The following FRMPD3 variants were observed in gnomAD, a reference collection of about 807,000 sequenced individuals.
FRMPD3 encodes FERM and PDZ domain-containing protein 3.
In FRMPD3, 42 loss-of-function variants were observed where a neutral mutation model predicts 97.9. The ratio of observed to expected loss-of-function variants is 0.43; its 90% CI spans 0.34 to 0.55. The LOEUF (loss-of-function observed/expected upper bound fraction) is 0.55. Ranked by LOEUF, FRMPD3 falls within the 20% of genes least tolerant of loss-of-function variation. The probability of loss-of-function intolerance (pLI) is 0.03; values close to 1 mark genes in which losing one functional copy is unlikely to be tolerated. For missense variants in FRMPD3, 1,303 were observed against 1,457.7 expected (o/e 0.89, Z 1.73); for synonymous variants, 577 against 581.1 (o/e 0.99, Z 0.10).
intron 1 of FRMPD3, among the ~76,000 whole-genome samples, chrX:107,482,816 G>A (rs1255276059): frequency 8.9e-6 from 1 of 111,923 alleles, no homozygotes; most frequent in Non-Finnish European, 1.9e-5. Context: ...TGCAAGAGAG[G>A]TTGAAGGATG....
At chrX:107,502,319 A>G (rs1406172783) in intron 1 of FRMPD3, among the ~76,000 whole-genome samples, 2 of 111,097 alleles carry the variant, frequency 1.8e-5, no homozygotes, top group African/African-American at 6.6e-5. Flanking sequence ...GCTATGAAGG[A>G]GGGAAAAAGA....
chrX:107,454,867 A>C, intron 1 of FRMPD3, among the ~76,000 whole-genome samples: 1 of 111,551 alleles, frequency 9.0e-6, no homozygotes. Flanking sequence ...ACTTGTTATA[A>C]TGCAGATTCC....
At chrX:107,468,313 G>A (rs1376773184) in intron 1 of FRMPD3, among the ~76,000 whole-genome samples, 4 of 111,873 alleles carry the variant, frequency 3.6e-5, no homozygotes, top group Non-Finnish European at 7.5e-5. Context: ...GCACACAAAC[G>A]AACTTGCAGG....
At chrX:107,585,570 C>A (rs773328199) in intron 13 of FRMPD3, among the ~76,000 whole-genome samples, 5 of 111,288 alleles carry the variant, frequency 4.5e-5, no homozygotes, top group African/African-American at 1.6e-4. Flanking sequence ...TGATATTGGC[C>A]GTGGGTTTGT....
intron 1 of FRMPD3, among the ~76,000 whole-genome samples, chrX:107,467,393 A>G (rs1432688706): frequency 9.0e-6 from 1 of 111,453 alleles, no homozygotes; most frequent in Non-Finnish European, 1.9e-5. Context: ...TTCACAGTCC[A>G]TAGGCACAGG....
At chrX:107,452,391 A>G (rs542724564) in intron 1 of FRMPD3, among the ~76,000 whole-genome samples, 1 of 112,036 alleles carries the variant, frequency 8.9e-6, no homozygotes, top group Non-Finnish European at 1.9e-5. Context: ...AGAAACACTC[A>G]TTGCTGCATG....
chrX:107,503,048 C>G (rs1921951603), intron 1 of FRMPD3, among the ~76,000 whole-genome samples: 1 of 110,875 alleles, frequency 9.0e-6, no homozygotes, highest in Non-Finnish European at 1.9e-5. Context: ...TATAATTAGT[C>G]ATGGGGGGAA....
Position 107,602,632 on chromosome X carries a change from C to T in FRMPD3, c.4593C>T (p.Asp1531=), listed in dbSNP as rs767985642. The change falls in exon 15 of 15, where the codon GAC becomes GAT. Residue 1531 remains aspartate (D), a synonymous_variant. Transcript: ENST00000683843. The stretch of plus-strand genomic sequence containing the variant: ...AGATCCTGCCTGGCATGAAGCTGGA[C>T]GAGCAGGTGGTGCCTGTGGTGAGCA... ...PMKILPGMKL[D]EQVVPVVSRT... is the part of the protein sequence containing the mutation. 2.9e-5 allele frequency: 35 copies of T among 1,209,987 alleles called. No homozygotes were observed. Among genetic ancestry groups the T allele is most frequent in the African/African-American group, 3.5e-5 (2 of 57,690 alleles).
At chrX:107,479,414 A>G (rs1329404587) in intron 1 of FRMPD3, among the ~76,000 whole-genome samples, 2 of 112,417 alleles carry the variant, frequency 1.8e-5, no homozygotes, top group African/African-American at 6.5e-5. Flanking sequence ...ATAGCACTTC[A>G]TAGTATATGA....
rs1170985688 is a variant in FRMPD3, at chrX:107,577,162, TAAAAAAAAAAA to T, written c.1441+721_1441+731del. Among the ~76,000 whole-genome samples the T allele has an allele frequency of 7.6e-3, 245 of 32,077 alleles. 3 individuals are homozygous for T. The highest frequency in any genetic ancestry group is 0.022 in the African/African-American group (233 of 10,488). The allele number at this position is 32,077 out of a possible 115,157, so 27.9% of individuals were successfully genotyped here. A position where few individuals can be genotyped will look rare whatever the true frequency, so the allele number is the denominator to read the frequency against. ...TAACAAGGTGAAACCCTGTCTCTAC[TAAAAAAAAAAA>T]AAAAAAAAAAAAAAAAATACAAAAA... On this transcript the variant is annotated intron_variant, in intron 13 of 14. Coordinates refer to ENST00000683843, the MANE Select transcript of FRMPD3 (RefSeq NM_001388459.1).
At chrX:107,513,219 A>G (rs1421312485) in intron 1 of FRMPD3, 1 of 111,457 alleles carries the variant, frequency 9.0e-6, no homozygotes, top group African/African-American at 3.3e-5. Context: ...ATTCCAGCCC[A>G]CTGGGGAAAA....
chrX:107,600,874 C>T lies in FRMPD3; in HGVS notation c.2835C>T (p.Leu945=), dbSNP rs1924464391. 4.1e-6 allele frequency: 5 copies of T among 1,209,553 alleles called. No homozygotes were observed. Among genetic ancestry groups the T allele is most frequent in the Non-Finnish European group, 5.6e-6 (5 of 894,836 alleles). Residue 945 remains leucine, a synonymous_variant, in exon 15 of 15, where the codon CTC becomes CTT. Coordinates refer to ENST00000683843, the MANE Select transcript of FRMPD3 (RefSeq NM_001388459.1). ...KEVRLSPKLI[L]DPKSSVTPAI... ...TCAGGTTGAGCCCCAAGCTTATCCT[C>T]GACCCAAAGAGCAGTGTGACCCCTG...
intron 12 of FRMPD3, among the ~76,000 whole-genome samples, chrX:107,567,580 A>G (rs1455452096): frequency 8.9e-6 from 1 of 111,834 alleles, no homozygotes; most frequent in Non-Finnish European, 1.9e-5. Flanking sequence ...AGGAGCAAGC[A>G]CAGAAATAAG....
chrX:107,545,697 T>C (rs779622334), intron 4 of FRMPD3, 40 bp from the exon 5 acceptor site: 45 of 1,088,073 alleles, frequency 4.1e-5, no homozygotes, highest in Non-Finnish European at 5.1e-5. Flanking sequence ...AGGCTTTCCC[T>C]AGATATGGAG....
intron 1 of FRMPD3, among the ~76,000 whole-genome samples, chrX:107,465,557 A>G (rs944265196): frequency 8.9e-6 from 1 of 111,982 alleles, no homozygotes; most frequent in Middle Eastern, 4.6e-3. Flanking sequence ...CACAGCACAC[A>G]CAAAAAAAGT....
At chrX:107,514,599 C>T (rs1922258192) in intron 1 of FRMPD3, among the ~76,000 whole-genome samples, 1 of 106,377 alleles carries the variant, frequency 9.4e-6, no homozygotes, top group Non-Finnish European at 1.9e-5. Context: ...GATCTCGGCT[C>T]ACTGCAACCT....
chrX:107,474,291 C>A (rs1280371880), intron 1 of FRMPD3, among the ~76,000 whole-genome samples: 1 of 111,332 alleles, frequency 9.0e-6, no homozygotes, highest in East Asian at 2.8e-4. Flanking sequence ...GCTTGAAACC[C>A]TTGGAGCTTG....
Position 107,449,996 on chromosome X carries a change from G to T in FRMPD3, c.-17G>T, listed in dbSNP as rs1303648137. Among the ~76,000 whole-genome samples the T allele has an allele frequency of 9.0e-6, 1 of 110,891 alleles. No individual in the cohort carries two copies. The highest frequency in any genetic ancestry group is 2.9e-4 in the East Asian group (1 of 3,480). On this transcript the variant is annotated 5_prime_UTR_variant, in exon 1 of 15. Coordinates refer to ENST00000683843, the MANE Select transcript of FRMPD3 (RefSeq NM_001388459.1). ...GGAGGAAGAGGAGGAGGAAGAGGAG[G>T]GGGAGGAAGGTAAGAGGCGCGCTGC...
intron 1 of FRMPD3, among the ~76,000 whole-genome samples, chrX:107,478,567 C>T (rs953879079): frequency 9.0e-6 from 1 of 111,664 alleles, no homozygotes; most frequent in Non-Finnish European, 1.9e-5. Flanking sequence ...TCCATAAAAC[C>T]TAGCACAGTT....
Sources: gnomAD v4.1 joint callset for allele counts (sites outside exome capture counted in the v4.1 genomes callset) on GRCh38, gnomAD v4.1.1 for gene constraint, MANE v1.5 for transcripts, NCBI Gene and HGNC (gene_info 2026-07-23, HGNC 2026-07-21) for gene names.